VPS33A: variants seen among roughly 807,000 people sequenced by gnomAD.
VPS33A encodes the protein VPS33A core subunit of CORVET and HOPS complexes.
Under a neutral mutation model 71.8 loss-of-function variants are expected in VPS33A, and 32 were observed. That is an observed-to-expected ratio of 0.45 (90% CI 0.34 to 0.60). The LOEUF is 0.60. VPS33A is among the 20% of genes least tolerant of loss of function. The pLI is 0.02. For synonymous variants in VPS33A, 311 were observed against 292.7 expected, an observed-to-expected ratio of 1.06 and a Z score of -0.64; for missense variants, 625 against 748.5, an observed-to-expected ratio of 0.84 and a Z score of 1.92.
chr12:122,249,540 C>T (rs745713549), intron 6 of VPS33A: 236 of 170,940 alleles, frequency 1.4e-3, no homozygotes, highest in Non-Finnish European at 2.2e-3. Flanking sequence ...CATAATATTT[C>T]ATAATGTACT....
intron 8 of VPS33A, chr12:122,241,110 G>A (rs1426001573): frequency 6.7e-6 from 1 of 148,332 alleles, no homozygotes; most frequent in Non-Finnish European, 1.5e-5. Context: ...CTGCAGCCTG[G>A]GCAACAAGAG....
chr12:122,234,482 G>T (rs960292835), intron 11 of VPS33A, among the ~76,000 whole-genome samples: 5 of 152,122 alleles, frequency 3.3e-5, no homozygotes, highest in African/African-American at 1.2e-4. Flanking sequence ...AGTAGAGACA[G>T]GGTTTCACCA....
At position 122,232,435 on chromosome 12, in the gene VPS33A, T is replaced by G. The variant is rs763040431; in HGVS notation, c.1610-8A>C. 1.9e-6 allele frequency: 3 copies of G among 1,607,494 alleles called. No homozygotes were observed. The highest frequency in any genetic ancestry group is 2.5e-6 in the Non-Finnish European group (3 of 1,177,698). ...GGTTTTCTCCCGGTTGACCTAAAATTTAAACATTTCAGAATTAAAAACTAT... is the reference window on the plus strand; with the variant it reads ...GGTTTTCTCCCGGTTGACCTAAAATGTAAACATTTCAGAATTAAAAACTAT... On this transcript the variant is annotated splice_region_variant and splice_polypyrimidine_tract_variant and intron_variant, in intron 12 of 12. Coordinates refer to ENST00000267199, the MANE Select transcript of VPS33A (RefSeq NM_022916.6).
At chr12:122,254,778 G>A (rs746761518) in intron 4 of VPS33A, among the ~76,000 whole-genome samples, 1 of 152,074 alleles carries the variant, frequency 6.6e-6, no homozygotes, top group Admixed American at 6.6e-5. Flanking sequence ...CTGGCCAGGC[G>A]CGGTGGCTCA....
intron 4 of VPS33A, among the ~76,000 whole-genome samples, chr12:122,255,174 C>T (rs1954900394): frequency 1.3e-5 from 2 of 152,160 alleles, no homozygotes; most frequent in South Asian, 4.1e-4. Flanking sequence ...CGGCTGCTAC[C>T]AATTCCCATT....
intron 9 of VPS33A, among the ~76,000 whole-genome samples, chr12:122,238,970 A>G (rs1040227669): frequency 3.8e-4 from 55 of 145,556 alleles, no homozygotes; most frequent in Non-Finnish European, 6.1e-4. Flanking sequence ...ACACACACAC[A>G]CACACCCCAC....
intron 6 of VPS33A, among the ~76,000 whole-genome samples, chr12:122,247,198 T>G (rs193039668): frequency 3.9e-5 from 6 of 152,304 alleles, no homozygotes; most frequent in Admixed American, 3.3e-4. Context: ...TGACTTACAT[T>G]ACGAAAAAAC....
chr12:122,234,786 G>A (rs530313305), intron 11 of VPS33A, among the ~76,000 whole-genome samples: 3 of 152,296 alleles, frequency 2.0e-5, no homozygotes, highest in South Asian at 2.1e-4. Context: ...TGAGGATGAC[G>A]TTGTCACTGG....
intron 9 of VPS33A, among the ~76,000 whole-genome samples, chr12:122,239,102 C>T (rs754760526): frequency 9.9e-5 from 15 of 152,162 alleles, no homozygotes; most frequent in Admixed American, 2.0e-4. Context: ...TGTCTGGACA[C>T]GTCTGTCTCT....
rs993056455 is a variant in VPS33A, at chr12:122,235,645, C to A, written c.1440+141G>T. On this transcript the variant is annotated intron_variant, in intron 11 of 12. Transcript: ENST00000267199. The stretch of plus-strand genomic sequence containing the variant: ...TTCTAGGATTCTGATGGATACAATA[C>A]ATGCATACATTACTTTTTCAAAAAC... The A allele has an allele frequency of 2.8e-6, 3 of 1,090,804 alleles. No individual in the cohort carries two copies. The African/African-American group carries it at 4.8e-5, about 17-fold the overall frequency. The allele number at this position is 1,090,804 out of a possible 1,614,324, so 67.6% of individuals were successfully genotyped here. A position where few individuals can be genotyped will look rare whatever the true frequency, so the allele number is the denominator to read the frequency against.
rs1490193457 is a variant in VPS33A, at chr12:122,229,755, G to A, written c.*2491C>T. ...CAAGTATTAAATGAACTTACACAAA[G>A]GCGTATAATATATAATTATCTACCA... is the stretch of plus-strand genomic sequence containing the variant. On this transcript the variant is annotated 3_prime_UTR_variant, in exon 13 of 13. Transcript: ENST00000267199. 1.3e-5 allele frequency: 2 copies of A among 152,172 alleles called. No homozygotes were observed. The highest frequency in any genetic ancestry group is 2.4e-5 in the African/African-American group (1 of 41,428). The allele number at this position is 152,172 out of a possible 1,614,324, so 9.4% of individuals were successfully genotyped here.
chr12:122,239,779 AGG>A (rs1954688792), intron 9 of VPS33A, 97 bp downstream of exon 9: 103 of 508,330 alleles, frequency 2.0e-4, no homozygotes, highest in South Asian at 5.5e-4. Flanking sequence ...AAAAAAAAAA[AGG>A]CAAGGCATGG....
At chr12:122,237,460 G>A (rs932665558) in intron 10 of VPS33A, among the ~76,000 whole-genome samples, 4 of 150,784 alleles carry the variant, frequency 2.7e-5, no homozygotes, top group African/African-American at 9.8e-5. Context: ...AATATTTGTT[G>A]TTGTTGTTAT....
intron 12 of VPS33A, 129 bp downstream of exon 12, chr12:122,232,671 G>T: frequency 8.1e-7 from 1 of 1,228,334 alleles, no homozygotes; most frequent in Non-Finnish European, 1.1e-6. Context: ...ACATACATTA[G>T]CAACGAACAA....
At chr12:122,242,556 T>C in intron 7 of VPS33A, 48 bp from the exon 8 acceptor site, 1 of 1,555,376 alleles carries the variant, frequency 6.4e-7, no homozygotes, top group Non-Finnish European at 8.7e-7. Context: ...GATAGTTTAT[T>C]TATTTTATTT....
chr12:122,238,770 T>TAC lies in VPS33A; in HGVS notation c.1165-48_1165-47dup, dbSNP rs57522920. On this transcript the variant is annotated intron_variant, in intron 9 of 12. Coordinates refer to ENST00000267199, the MANE Select transcript of VPS33A (RefSeq NM_022916.6). ...ATATACATATACATTTACATATACA[T>TAC]ACACACACACACACACACACACACA... 0.12 allele frequency: 107,638 copies of TAC among 867,482 alleles called. 2,363 individuals carry two copies. The highest frequency in any genetic ancestry group is 0.13 in the Admixed American group (5,738 of 42,516). The allele number at this position is 867,482 out of a possible 1,614,324, so 53.7% of individuals were successfully genotyped here.
rs1264478444 is a variant in VPS33A at position 122,264,122 on chromosome 12, T to C, written c.168+12A>G. The C allele has an allele frequency of 6.6e-7, 1 of 1,513,404 alleles. No individual in the cohort carries two copies. Among genetic ancestry groups the C allele is most frequent in the Non-Finnish European group, 8.9e-7 (1 of 1,117,434 alleles). 93.7% of individuals were successfully genotyped at this position (1,513,404 alleles called of 1,614,324 possible). A position where few individuals can be genotyped will look rare whatever the true frequency, so the allele number is the denominator to read the frequency against. ...TATTAATCCCCTAACAAAACCCAAA[T>C]AGCTCATTTACCTTCAATAGTGAAT... On this transcript the variant is annotated intron_variant, in intron 2 of 12. Coordinates refer to ENST00000267199, the MANE Select transcript of VPS33A (RefSeq NM_022916.6).
At chr12:122,235,605 G>A (rs913367681) in intron 11 of VPS33A, among the ~76,000 whole-genome samples, 181 bp downstream of exon 11, 1 of 152,138 alleles carries the variant, frequency 6.6e-6, no homozygotes, top group Non-Finnish European at 1.5e-5. Context: ...CAGTTTAAGA[G>A]CATTCTCTGT....
At chr12:122,256,577 A>G (rs1361530738) in intron 4 of VPS33A, among the ~76,000 whole-genome samples, 3 of 152,018 alleles carry the variant, frequency 2.0e-5, no homozygotes, top group Non-Finnish European at 1.5e-5. Flanking sequence ...CTGTCTCAAA[A>G]ACAATTAAAA....
Sources: allele counts gnomAD v4.1 joint callset (sites outside exome capture counted in the v4.1 genomes callset), GRCh38; gene constraint gnomAD v4.1.1; transcripts MANE v1.5; gene names NCBI Gene and HGNC (gene_info 2026-07-23, HGNC 2026-07-21).